The following MGST2 variants were observed in gnomAD, a reference collection of about 807,000 sequenced individuals.
The protein encoded by MGST2 is glutathione peroxidase MGST2.
MGST2 carries 9 observed loss-of-function variants against 16.6 expected under a neutral mutation model. That is an observed-to-expected ratio of 0.54 (90% CI 0.33 to 0.95). The LOEUF (loss-of-function observed/expected upper bound fraction) is 0.95. Among genes scored for constraint, MGST2 ranks in the 40% least tolerant of loss-of-function variants. MGST2 has a pLI of 0.03. For missense variants in MGST2, 159 were observed against 175.1 expected (o/e 0.91, Z 0.52); for synonymous variants, 79 against 68.0 (o/e 1.16, Z -0.79).
intron 1 of MGST2, among the ~76,000 whole-genome samples, chr4:139,670,258 CG>C (rs781318130): frequency 0.018 from 1,726 of 98,166 alleles, 9 homozygotes; most frequent in Non-Finnish European, 0.025. Flanking sequence ...CGGTGGGGGG[CG>C]GGGGGGGGGC....
chr4:139,720,114 T>C (rs1345623241), intron 5 of MGST2: 4 of 1,614,072 alleles, frequency 2.5e-6, no homozygotes, highest in Non-Finnish European at 3.4e-6. Flanking sequence ...GTCATGCCTG[T>C]GCTCATATTG....
At chr4:139,670,775 G>A (rs150564449) in intron 1 of MGST2, among the ~76,000 whole-genome samples, 251 of 151,990 alleles carry the variant, frequency 1.7e-3, no homozygotes, top group African/African-American at 5.8e-3. Context: ...TTAGCTGAGT[G>A]TTGTGGCACT....
At chr4:139,696,675 C>A (rs1726940103) in intron 3 of MGST2, among the ~76,000 whole-genome samples, 1 of 152,176 alleles carries the variant, frequency 6.6e-6, no homozygotes, top group South Asian at 2.1e-4. Flanking sequence ...TGTTGTAAAT[C>A]CTGTGAGTGT....
chr4:139,708,179 G>T (rs1342608588), downstream of MGST2, among the ~76,000 whole-genome samples: 1 of 152,092 alleles, frequency 6.6e-6, no homozygotes, highest in Non-Finnish European at 1.5e-5. Flanking sequence ...TTTCTTCTAG[G>T]GTTTTTATGG....
chr4:139,712,468 A>T (rs534989740), intron 5 of MGST2, among the ~76,000 whole-genome samples: 12 of 152,362 alleles, frequency 7.9e-5, no homozygotes, highest in Non-Finnish European at 2.9e-5. Context: ...GATTTGCTTT[A>T]TTATACTTGG....
the MGST2 span, among the ~76,000 whole-genome samples, chr4:139,751,194 C>T: frequency 6.6e-6 from 1 of 152,098 alleles, no homozygotes; most frequent in South Asian, 2.1e-4. Flanking sequence ...TAACATTTTC[C>T]CATTTGGGTT....
At chr4:139,704,746 C>A (rs1727452018), downstream of MGST2, among the ~76,000 whole-genome samples, 1 of 151,742 alleles carries the variant, frequency 6.6e-6, no homozygotes, top group African/African-American at 2.4e-5. Context: ...CACAGTGAAA[C>A]CCTGTCTCTA....
intron 5 of MGST2, among the ~76,000 whole-genome samples, chr4:139,734,012 A>G (rs1465356387): frequency 1.3e-5 from 2 of 152,188 alleles, no homozygotes; most frequent in East Asian, 3.8e-4. Context: ...TTCTTAAAGG[A>G]CTGCCTTCCA....
chr4:139,751,664 T>G, the MGST2 span, among the ~76,000 whole-genome samples: 1 of 152,116 alleles, frequency 6.6e-6, no homozygotes, highest in African/African-American at 2.4e-5. Flanking sequence ...GTGCTTAGGT[T>G]CTAAGGGGTG....
chr4:139,730,432 TGC>T, intron 5 of MGST2: 1 of 474 alleles, frequency 2.1e-3, no homozygotes. Flanking sequence ...CGCCAAAATC[TGC>T]TGCTGCTGCT....
At chr4:139,733,825 T>A (rs577381774) in intron 5 of MGST2, among the ~76,000 whole-genome samples, 1 of 152,274 alleles carries the variant, frequency 6.6e-6, no homozygotes, top group South Asian at 2.1e-4. Flanking sequence ...GGTGGGGGAC[T>A]ACAGGTTTAA....
In MGST2 at chr4:139,666,023, G is replaced by A. The variant is rs759758518; in HGVS notation, c.4G>A (p.Ala2Thr). M[A>T]GNSILLAAVS... The stretch of plus-strand genomic sequence containing the variant: ...TACAAATAGTTCCGTGAGAAAGATG[G>A]CCGGGAACTCGATCCTGCTGGCTGC... Residue 2 changes from alanine to threonine, a missense_variant, in exon 1 of 5, where the codon GCC (alanine) becomes ACC (threonine). By Grantham distance (58) the Ala-to-Thr change is moderately conservative. Transcript: ENST00000265498. 5.0e-6 allele frequency: 8 copies of A among 1,614,078 alleles called. No individual in the cohort carries two copies. The East Asian group carries it at 1.6e-4, about 31-fold the overall frequency.
intron 5 of MGST2, chr4:139,731,560 T>A (rs1422890275): frequency 6.6e-6 from 1 of 151,320 alleles, no homozygotes; most frequent in Non-Finnish European, 1.5e-5. Context: ...GAGGTTGCAG[T>A]GAGCCGAGGT....
At chr4:139,708,443 C>T (rs971728895), downstream of MGST2, among the ~76,000 whole-genome samples, 52 of 151,214 alleles carry the variant, frequency 3.4e-4, no homozygotes, top group African/African-American at 1.2e-3. Flanking sequence ...GGTACCAGTA[C>T]CATGCTGTTT....
chr4:139,739,494 C>T (rs567944034), intron 5 of MGST2, among the ~76,000 whole-genome samples: 1 of 152,264 alleles, frequency 6.6e-6, no homozygotes, highest in East Asian at 1.9e-4. Flanking sequence ...AATTCCACCA[C>T]CAAAGCAATT....
intron 2 of MGST2, among the ~76,000 whole-genome samples, chr4:139,692,423 G>T (rs900300775): frequency 6.6e-6 from 1 of 152,350 alleles, no homozygotes; most frequent in Admixed American, 6.5e-5. Flanking sequence ...GAAGCAAGGG[G>T]CTATGCCACT....
chr4:139,741,997 T>A (rs1729181157), downstream of MGST2, among the ~76,000 whole-genome samples: 1 of 152,106 alleles, frequency 6.6e-6, no homozygotes, highest in Non-Finnish European at 1.5e-5. Context: ...CACACGGGCA[T>A]AAAAATAAGT....
At chr4:139,688,179 T>A (rs1009371818) in intron 2 of MGST2, among the ~76,000 whole-genome samples, 4 of 152,258 alleles carry the variant, frequency 2.6e-5, no homozygotes, top group Admixed American at 2.0e-4. Flanking sequence ...GCATCTTTCA[T>A]CTTCTGGATT....
intron 1 of MGST2, among the ~76,000 whole-genome samples, chr4:139,676,112 A>C (rs1210511106): frequency 6.6e-6 from 1 of 152,122 alleles, no homozygotes; most frequent in Non-Finnish European, 1.5e-5. Context: ...GTCACTATAG[A>C]TTCATTTGCA....
Sources: gnomAD v4.1 joint callset for allele counts (sites outside exome capture counted in the v4.1 genomes callset) on GRCh38, gnomAD v4.1.1 for gene constraint, MANE v1.5 for transcripts, NCBI Gene and HGNC (gene_info 2026-07-23, HGNC 2026-07-21) for gene names.